Variants in B3GAT1 observed in about 807,000 individuals in gnomAD.
The protein encoded by B3GAT1 is galactosylgalactosylxylosylprotein 3-beta-glucuronosyltransferase 1.
Under a neutral mutation model 28.4 loss-of-function variants are expected in B3GAT1, and 11 were observed. The observed-to-expected ratio is 0.39, with a 90% CI of 0.24 to 0.64. B3GAT1 has a LOEUF of 0.64. Ranked by LOEUF, B3GAT1 falls within the 30% of genes least tolerant of loss-of-function variation. B3GAT1 has a pLI of 0.50. For missense variants in B3GAT1, 375 were observed against 491.0 expected, an observed-to-expected ratio of 0.76 and a Z score of 2.23; for synonymous variants, 255 against 223.1, an observed-to-expected ratio of 1.14 and a Z score of -1.27.
chr11:134,409,311 T>C (rs1944805425), intron 1 of B3GAT1, among the ~76,000 whole-genome samples: 1 of 152,134 alleles, frequency 6.6e-6, no homozygotes, highest in Non-Finnish European at 1.5e-5. Flanking sequence ...TCTTTTTGCC[T>C]GGGGGCCTGG....
intron 1 of B3GAT1, among the ~76,000 whole-genome samples, chr11:134,397,489 G>A (rs1033543092): frequency 1.3e-5 from 2 of 152,192 alleles, no homozygotes; most frequent in Non-Finnish European, 2.9e-5. Flanking sequence ...GAGATGCAAC[G>A]TGGCCCATGC....
Position 134,393,678 on chromosome 11 carries a change from G to A in B3GAT1, c.-281-5738C>T, listed in dbSNP as rs929931348. The stretch of plus-strand genomic sequence containing the variant: ...CTGTGATGACAGTAGCAAGCGAGAC[G>A]GTGAGTGCTGTGAACAGGCTGGGAA... On this transcript the variant is annotated intron_variant, in intron 1 of 5. Coordinates refer to ENST00000312527, the MANE Select transcript of B3GAT1 (RefSeq NM_054025.3). The surrounding 1 kb of genome is among the most constrained non-coding windows in gnomAD (Gnocchi z 4.0). 4.6e-5 allele frequency among the ~76,000 whole-genome samples: 7 copies of A among 152,190 alleles called. No individual in the cohort carries two copies. The highest frequency in any genetic ancestry group is 1.9e-4 in the East Asian group (1 of 5,192).
intron 1 of B3GAT1, chr11:134,388,475 A>G (rs2136313271): frequency 6.4e-6 from 1 of 155,424 alleles, no homozygotes; most frequent in East Asian, 1.9e-4. Flanking sequence ...ATTAAAAATA[A>G]TTTCAACATT....
chr11:134,405,685 C>T (rs1259364348), intron 1 of B3GAT1, among the ~76,000 whole-genome samples: 2 of 152,222 alleles, frequency 1.3e-5, no homozygotes, highest in African/African-American at 4.8e-5. Flanking sequence ...CGGGAGGGCA[C>T]TGGGGCATGC....
intron 1 of B3GAT1, among the ~76,000 whole-genome samples, chr11:134,404,522 C>T (rs191477759): frequency 6.6e-6 from 1 of 152,330 alleles, no homozygotes; most frequent in East Asian, 1.9e-4. Flanking sequence ...AAGGACAGCA[C>T]ACTCCTCGGA....
In B3GAT1 at chr11:134,387,885, T is replaced by C. The variant is rs1252531295; in HGVS notation, c.-226A>G. 2 of 1,514,664 alleles carry C rather than the reference T, an allele frequency of 1.3e-6. No homozygotes were observed. Among genetic ancestry groups the C allele is most frequent in the Admixed American group, 4.0e-5 (2 of 50,112 alleles). The allele number at this position is 1,514,664 out of a possible 1,614,324, so 93.8% of individuals were successfully genotyped here. On this transcript the variant is annotated 5_prime_UTR_variant, in exon 2 of 6. Coordinates refer to ENST00000312527, the MANE Select transcript of B3GAT1 (RefSeq NM_054025.3). ...TTTGGAGAGTCCGGCCCAACTGGAGTCTGAGAAGGGGTCGCTGTCCAGGGG... is the reference window on the plus strand; with the variant it reads ...TTTGGAGAGTCCGGCCCAACTGGAGCCTGAGAAGGGGTCGCTGTCCAGGGG...
rs1565463068 is a variant in B3GAT1, at chr11:134,412,119, G to GGGGGGAGGTGGAGCGGGGA, written c.-595_-594insTCCCCGCTCCACCTCCCCC. Among the ~76,000 whole-genome samples, 3 of 140,798 alleles carry GGGGGGAGGTGGAGCGGGGA rather than the reference G, an allele frequency of 2.1e-5. 1 individual carries two copies. The highest frequency in any genetic ancestry group is 4.7e-5 in the Non-Finnish European group (3 of 63,424). 92.4% of individuals were successfully genotyped at this position (140,798 alleles called of 152,430 possible). Reference sequence around the variant, plus strand: ...GGGGGGCGGGGAGGGGGAGCGGGGAGGGGGAGCGGGGAGCGGGCGCGGGGG... The same window carrying GGGGGGAGGTGGAGCGGGGA: ...GGGGGGCGGGGAGGGGGAGCGGGGAGGGGGGAGGTGGAGCGGGGAGGGGAGCGGGGAGCGGGCGCGGGGG... On this transcript the variant is annotated 5_prime_UTR_variant, in exon 1 of 6. Coordinates refer to ENST00000312527, the MANE Select transcript of B3GAT1 (RefSeq NM_054025.3).
chr11:134,401,970 C>CGGGG (rs536585130), intron 1 of B3GAT1, among the ~76,000 whole-genome samples: 1 of 11,524 alleles, frequency 8.7e-5, no homozygotes, highest in African/African-American at 3.4e-4. Context: ...TGGCCTGGGG[C>CGGGG]GGGGGGGGGC....
intron 2 of B3GAT1, chr11:134,385,632 G>T (rs1484628150): frequency 6.6e-6 from 1 of 151,918 alleles, no homozygotes; most frequent in Non-Finnish European, 1.5e-5. Context: ...GGAAACTGAG[G>T]CCTTGAGAGG....
intron 1 of B3GAT1, chr11:134,392,148 C>A (rs1259467735): frequency 6.6e-6 from 1 of 152,204 alleles, no homozygotes; most frequent in Admixed American, 6.5e-5. Flanking sequence ...TCAGTGGGCA[C>A]CTAGGGCCAG....
At position 134,381,958 on chromosome 11, in the gene B3GAT1, C is replaced by T. The variant is rs542811736; in HGVS notation, c.985G>A (p.Asp329Asn). ...GAGGCTCAGATCTCCACCGAGGGGT[C>T]AGTGAAGCCCTTCTTGCCCTCATTC... is the stretch of plus-strand genomic sequence containing the variant. ...LVNEGKKGFT[D>N]PSVEI Residue 329 changes from aspartate to asparagine, a missense_variant, in exon 5 of 6, where the codon GAC becomes AAC. Asp to Asn is a conservative substitution (Grantham distance 23, BLOSUM62 1). Transcript: ENST00000312527. 419 of 1,613,994 alleles carry T rather than the reference C, an allele frequency of 2.6e-4. No individual in the cohort carries two copies. Among genetic ancestry groups the T allele is most frequent in the Non-Finnish European group, 3.4e-4 (402 of 1,180,030 alleles).
rs115627048 is a variant in B3GAT1, at chr11:134,396,226, G to A, written c.-281-8286C>T. Reference sequence around the variant, plus strand: ...TCCACACCAAAGGTGAGGACTGCACGAAGGCATGAGCACCGGGGGGTGGGG... The same window carrying A: ...TCCACACCAAAGGTGAGGACTGCACAAAGGCATGAGCACCGGGGGGTGGGG... On this transcript the variant is annotated intron_variant, in intron 1 of 5. Transcript: ENST00000312527. Among the ~76,000 whole-genome samples the A allele has an allele frequency of 5.7e-3, 871 of 152,290 alleles. 7 individuals are homozygous for A. The highest frequency in any genetic ancestry group is 0.02 in the African/African-American group (835 of 41,558).
chr11:134,402,398 T>C (rs1017760849), intron 1 of B3GAT1, among the ~76,000 whole-genome samples: 1 of 152,126 alleles, frequency 6.6e-6, no homozygotes, highest in African/African-American at 2.4e-5. Flanking sequence ...GAGAACTGAC[T>C]TGTCCATGGG....
chr11:134,403,999 A>G (rs1301084599), intron 1 of B3GAT1, among the ~76,000 whole-genome samples: 1 of 80,570 alleles, frequency 1.2e-5, no homozygotes, highest in African/African-American at 4.9e-5. Flanking sequence ...ATATATATAT[A>G]TATATATATA....
chr11:134,384,517 C>T lies in B3GAT1; in HGVS notation c.113-329G>A, dbSNP rs530371171. The T allele has an allele frequency of 2.5e-4, 90 of 361,740 alleles. 2 individuals are homozygous for T. In the South Asian group the frequency reaches 5.8e-3, roughly 23 times the overall value. 22.4% of individuals were successfully genotyped at this position (361,740 alleles called of 1,614,324 possible). A position where few individuals can be genotyped will look rare whatever the true frequency, so the allele number is the denominator to read the frequency against. ...CTGACTTTCCTATGAAAAGGCGTCC[C>T]GACCCTCCCCTCCCTAGCCCTACTC... On this transcript the variant is annotated intron_variant, in intron 2 of 5. Transcript: ENST00000312527.
intron 1 of B3GAT1, among the ~76,000 whole-genome samples, chr11:134,397,986 GGTGCCTGCTCC>G (rs1430763181): frequency 6.6e-6 from 1 of 152,190 alleles, no homozygotes; most frequent in African/African-American, 2.4e-5. Context: ...CAGCGACTCA[GGTGCCTGCTCC>G]CTGCCTGCTC....
intron 3 of B3GAT1, 36 bp downstream of exon 3, chr11:134,383,644 G>T (rs778905375): frequency 1.3e-5 from 19 of 1,498,804 alleles, no homozygotes; most frequent in Non-Finnish European, 1.6e-5. Context: ...CCCCGCAGCC[G>T]GAGGTCCCGC....
rs369082335 is a variant in B3GAT1 at position 134,387,929 on chromosome 11, G to A, written c.-270C>T. The A allele has an allele frequency of 1.7e-5, 23 of 1,392,834 alleles. No individual in the cohort carries two copies. In the East Asian group the frequency reaches 6.3e-4, roughly 38 times the overall value. 86.3% of individuals were successfully genotyped at this position (1,392,834 alleles called of 1,614,324 possible). A position where few individuals can be genotyped will look rare whatever the true frequency, so the allele number is the denominator to read the frequency against. The stretch of plus-strand genomic sequence containing the variant: ...CCAGGGGCAGGGGTCAGGAACCCTG[G>A]GGGGTGGACACCTGCAAGAGAGAGC... On this transcript the variant is annotated 5_prime_UTR_variant, in exon 2 of 6. Transcript: ENST00000312527.
chr11:134,401,685 T>C (rs776485582), intron 1 of B3GAT1, among the ~76,000 whole-genome samples: 6 of 152,014 alleles, frequency 3.9e-5, no homozygotes, highest in Non-Finnish European at 8.8e-5. Context: ...TCACATAATA[T>C]ACCCGGGTAA....
Sources: gnomAD v4.1 joint callset for allele counts (sites outside exome capture counted in the v4.1 genomes callset) on GRCh38, gnomAD v4.1.1 for gene constraint, Gnocchi (gnomAD v3.1) non-coding constraint, MANE v1.5 for transcripts, NCBI Gene and HGNC (gene_info 2026-07-23, HGNC 2026-07-21) for gene names.